Variants in SNTG2 observed in about 807,000 individuals in gnomAD.
SNTG2 encodes gamma-2-syntrophin.
A neutral mutation model predicts 70.9 loss-of-function variants in SNTG2; 74 were observed. That is an observed-to-expected ratio of 1.04 (90% CI 0.86 to 1.27). The LOEUF (loss-of-function observed/expected upper bound fraction) is 1.27, where lower values mean the gene tolerates loss of function less well. Among genes scored for constraint, SNTG2 ranks in the 50% most tolerant of loss-of-function variants. The pLI is 0.00. For missense variants in SNTG2, 717 were observed against 690.7 expected, an observed-to-expected ratio of 1.04 and a Z score of -0.43; for synonymous variants, 278 against 273.8, an observed-to-expected ratio of 1.02 and a Z score of -0.15.
intron 15 of SNTG2, 53 bp from the exon 16 acceptor site, chr2:1,316,212 T>G: frequency 2.3e-6 from 2 of 865,892 alleles, no homozygotes; most frequent in Non-Finnish European, 3.7e-6. Flanking sequence ...AGATGCTAAT[T>G]AAATAAATGA....
chr2:1,025,599 G>T (rs547635273), intron 1 of SNTG2, among the ~76,000 whole-genome samples: 1 of 152,090 alleles, frequency 6.6e-6, no homozygotes, highest in African/African-American at 2.4e-5. Context: ...CTGCCTGTGC[G>T]CCTTGGCTCC....
intron 1 of SNTG2, among the ~76,000 whole-genome samples, chr2:1,030,130 T>C (rs1418985423): frequency 1.3e-5 from 2 of 152,210 alleles, no homozygotes; most frequent in African/African-American, 4.8e-5. Flanking sequence ...ACATCGATCA[T>C]AAATAACTTG....
chr2:1,331,555 C>A (rs1375974797), intron 16 of SNTG2, among the ~76,000 whole-genome samples: 2 of 152,300 alleles, frequency 1.3e-5, no homozygotes, highest in African/African-American at 4.8e-5. Flanking sequence ...TTGAGTGAGA[C>A]AAGCCTTATG....
intron 16 of SNTG2, among the ~76,000 whole-genome samples, chr2:1,357,227 T>G (rs1660900158): frequency 1.3e-5 from 2 of 152,160 alleles, no homozygotes; most frequent in South Asian, 4.1e-4. Flanking sequence ...GTGGGCATAA[T>G]CTTAGAGAAA....
chr2:1,178,512 AG>A (rs1417282128), intron 8 of SNTG2, among the ~76,000 whole-genome samples: 6 of 152,242 alleles, frequency 3.9e-5, no homozygotes, highest in South Asian at 2.1e-4. Flanking sequence ...TTTAGCATGA[AG>A]GGTTGTTGAA....
intron 8 of SNTG2, among the ~76,000 whole-genome samples, chr2:1,192,215 C>T (rs1423471313): frequency 1.3e-5 from 2 of 152,116 alleles, no homozygotes; most frequent in African/African-American, 2.4e-5. Flanking sequence ...ACGTGGTTTC[C>T]ACAAAAGGTT....
intron 6 of SNTG2, chr2:1,159,374 A>G (rs533504940): frequency 6.6e-6 from 1 of 152,226 alleles, no homozygotes; most frequent in East Asian, 1.9e-4. Context: ...ATTAACAATT[A>G]TTTAGGCCAC....
intron 9 of SNTG2, among the ~76,000 whole-genome samples, chr2:1,213,865 C>A (rs528817165): frequency 2.0e-5 from 3 of 152,264 alleles, no homozygotes; most frequent in South Asian, 2.1e-4. Context: ...CCTATGTTTT[C>A]TTTTAGTAGT....
rs902607687 is a variant in SNTG2 at position 1,097,757 on chromosome 2, G to A, written c.211-439G>A. Among the ~76,000 whole-genome samples, 6 of 151,970 alleles carry A rather than the reference G, an allele frequency of 3.9e-5. No homozygotes were observed. Among genetic ancestry groups the A allele is most frequent in the African/African-American group, 1.2e-4 (5 of 41,370 alleles). On this transcript the variant is annotated intron_variant, in intron 2 of 16. Coordinates refer to ENST00000308624, the MANE Select transcript of SNTG2 (RefSeq NM_018968.4). This position sits in a 1 kb window ranked among gnomAD's most constrained non-coding sequence, Gnocchi z 4.1. ...ATTGGTTGAAGATTGTCCTAAACACGGCTGACTTCAGCAGAGACGTACAGT... is the reference window on the plus strand; with the variant it reads ...ATTGGTTGAAGATTGTCCTAAACACAGCTGACTTCAGCAGAGACGTACAGT...
chr2:1,264,389 G>A (rs377314036), intron 13 of SNTG2, among the ~76,000 whole-genome samples: 6 of 152,186 alleles, frequency 3.9e-5, no homozygotes, highest in Middle Eastern at 3.2e-3. Flanking sequence ...GCATGGTAAC[G>A]AGTGATCTCT....
chr2:1,154,920 A>G (rs1669758373), intron 6 of SNTG2, among the ~76,000 whole-genome samples: 2 of 148,618 alleles, frequency 1.3e-5, no homozygotes, highest in Admixed American at 1.4e-4. Flanking sequence ...CACACACACA[A>G]CACAAAAACA....
intron 6 of SNTG2, among the ~76,000 whole-genome samples, chr2:1,142,503 T>G (rs200827401): frequency 1.2e-4 from 3 of 24,958 alleles, no homozygotes; most frequent in Middle Eastern, 0.013. Flanking sequence ...GTTTTTTCAA[T>G]TTTTTTGGCA....
intron 4 of SNTG2, among the ~76,000 whole-genome samples, chr2:1,118,755 C>T (rs1175559529): frequency 6.6e-6 from 1 of 151,944 alleles, no homozygotes; most frequent in Non-Finnish European, 1.5e-5. Context: ...GTGAAGAAAG[C>T]CTGTGGCACT....
At chr2:971,855 G>A (rs1660753913) in intron 1 of SNTG2, among the ~76,000 whole-genome samples, 1 of 151,732 alleles carries the variant, frequency 6.6e-6, no homozygotes, top group South Asian at 2.1e-4. Flanking sequence ...CTGGTATGTT[G>A]TATCTTTGTT....
At chr2:1,317,007 A>G (rs1333632344) in intron 16 of SNTG2, among the ~76,000 whole-genome samples, 26 of 26,730 alleles carry the variant, frequency 9.7e-4, no homozygotes, top group South Asian at 1.5e-3. Flanking sequence ...CATGTAGCAT[A>G]TGGCCAGCAT....
intron 8 of SNTG2, among the ~76,000 whole-genome samples, chr2:1,198,675 A>C (rs937995723): frequency 6.6e-6 from 1 of 152,116 alleles, no homozygotes; most frequent in South Asian, 2.1e-4. Context: ...AGAAGATCCA[A>C]ATAAATAAAA....
chr2:953,177 G>GT (rs1239052555), intron 1 of SNTG2, among the ~76,000 whole-genome samples: 1 of 152,104 alleles, frequency 6.6e-6, no homozygotes, highest in Non-Finnish European at 1.5e-5. Context: ...TGTTCCCGAT[G>GT]TTTTTTTCTA....
At chr2:1,184,821 T>C (rs909581504) in intron 8 of SNTG2, among the ~76,000 whole-genome samples, 12 of 152,162 alleles carry the variant, frequency 7.9e-5, no homozygotes, top group African/African-American at 2.9e-4. Context: ...CATTCCACCT[T>C]TGACCCCTGC....
At chr2:1,124,296 C>CTTTTTTTTTTTTTTTTTTT (rs148101855) in intron 4 of SNTG2, among the ~76,000 whole-genome samples, 1 of 46,312 alleles carries the variant, frequency 2.2e-5, no homozygotes. Context: ...ATTACTCAGT[C>CTTTTTTTTTTTTTTTTTTT]TTTTTTTAAT....
Sources: allele counts gnomAD v4.1 joint callset (sites outside exome capture counted in the v4.1 genomes callset), GRCh38; gene constraint gnomAD v4.1.1; non-coding constraint Gnocchi (gnomAD v3.1); transcripts MANE v1.5; gene names NCBI Gene and HGNC (gene_info 2026-07-23, HGNC 2026-07-21).